NLGN1: variants seen among roughly 807,000 people sequenced by gnomAD.
NLGN1 encodes neuroligin 1.
A neutral mutation model predicts 65.5 loss-of-function variants in NLGN1; 12 were observed. That is an observed-to-expected ratio of 0.18 (90% CI 0.12 to 0.30). NLGN1 has a LOEUF of 0.30. Among genes scored for constraint, NLGN1 ranks in the 10% least tolerant of loss-of-function variants. The pLI is 1.00. For synonymous variants in NLGN1, 350 were observed against 359.5 expected, an observed-to-expected ratio of 0.97 and a Z score of 0.30; for missense variants, 750 against 1,007.1, an observed-to-expected ratio of 0.74 and a Z score of 3.46.
intron 3 of NLGN1, among the ~76,000 whole-genome samples, chr3:173,631,299 C>T (rs1755646377): frequency 6.6e-6 from 1 of 151,500 alleles, no homozygotes; most frequent in African/African-American, 2.4e-5. Context: ...TTTGTCCATC[C>T]TTTCTAAGTG....
chr3:173,425,459 AATAGATTCATAGTT>A (rs1715920819), intron 1 of NLGN1, among the ~76,000 whole-genome samples: 1 of 151,970 alleles, frequency 6.6e-6, no homozygotes, highest in Non-Finnish European at 1.5e-5. Context: ...TGTTTTTTCT[AATAGATTCATAGTT>A]TCAGGTCTTA....
chr3:173,492,450 G>A (rs908454503), intron 2 of NLGN1, among the ~76,000 whole-genome samples: 2 of 151,482 alleles, frequency 1.3e-5, no homozygotes, highest in Admixed American at 1.3e-4. Flanking sequence ...ATTTCTTATG[G>A]GTCAATCAAG....
At chr3:173,589,722 C>T (rs116130180) in intron 2 of NLGN1, among the ~76,000 whole-genome samples, 1,596 of 152,238 alleles carry the variant, frequency 0.01, 39 homozygotes, top group African/African-American at 0.037. Context: ...TGGGAAACAT[C>T]CAATTGATAT....
intron 4 of NLGN1, among the ~76,000 whole-genome samples, chr3:173,952,037 G>GC (rs1389632063): frequency 1.3e-5 from 2 of 152,152 alleles, no homozygotes; most frequent in African/African-American, 4.8e-5. Flanking sequence ...ATTGTAGCCA[G>GC]CATTATTTCC....
intron 4 of NLGN1, among the ~76,000 whole-genome samples, chr3:173,868,313 G>T (rs1429928945): frequency 1.3e-5 from 2 of 152,098 alleles, no homozygotes; most frequent in Non-Finnish European, 2.9e-5. Context: ...TATTTTAATT[G>T]TTTTATCTAT....
At chr3:173,850,235 GTGTA>G (rs1306132164) in intron 4 of NLGN1, among the ~76,000 whole-genome samples, 1 of 152,028 alleles carries the variant, frequency 6.6e-6, no homozygotes, top group South Asian at 2.1e-4. Flanking sequence ...CTATATATGT[GTGTA>G]TGTATGTGTG....
At chr3:174,180,915 A>G (rs1165371295) in intron 4 of NLGN1, 1 of 152,054 alleles carries the variant, frequency 6.6e-6, no homozygotes, top group Non-Finnish European at 1.5e-5. Context: ...TGGGGGAAAA[A>G]AAAGAGGTAT....
At chr3:174,165,186 CT>C (rs1727272156) in intron 4 of NLGN1, among the ~76,000 whole-genome samples, 1 of 151,474 alleles carries the variant, frequency 6.6e-6, no homozygotes, top group South Asian at 2.1e-4. Context: ...TATTTGAATG[CT>C]TTTTCTTTCT....
At chr3:173,601,666 T>C (rs6800283) in intron 2 of NLGN1, among the ~76,000 whole-genome samples, 14,021 of 152,020 alleles carry the variant, frequency 0.092, 663 homozygotes, top group Middle Eastern at 0.21. Context: ...ACATTTAGGT[T>C]GTCATAGTTT....
chr3:173,567,238 A>G (rs1450241694), intron 2 of NLGN1, among the ~76,000 whole-genome samples: 1 of 152,158 alleles, frequency 6.6e-6, no homozygotes, highest in East Asian at 1.9e-4. Flanking sequence ...AAAAAATAAG[A>G]TAAATTAGAG....
chr3:173,749,052 T>C (rs571941420), intron 3 of NLGN1, among the ~76,000 whole-genome samples: 4 of 152,206 alleles, frequency 2.6e-5, no homozygotes, highest in African/African-American at 9.6e-5. Context: ...CATTTGCATT[T>C]TCTGTATGCT....
At chr3:173,752,001 G>A (rs1360497942) in intron 3 of NLGN1, among the ~76,000 whole-genome samples, 1 of 152,044 alleles carries the variant, frequency 6.6e-6, no homozygotes, top group East Asian at 1.9e-4. Flanking sequence ...AACATGAGTG[G>A]TTTAGCACAG....
intron 4 of NLGN1, among the ~76,000 whole-genome samples, chr3:174,115,304 A>C (rs1355759697): frequency 6.6e-6 from 1 of 152,164 alleles, no homozygotes; most frequent in Non-Finnish European, 1.5e-5. Flanking sequence ...TACAGGGCTT[A>C]GTTACGCATA....
chr3:173,440,534 T>A (rs1718977466), intron 2 of NLGN1, among the ~76,000 whole-genome samples: 1 of 152,182 alleles, frequency 6.6e-6, no homozygotes, highest in South Asian at 2.1e-4. Context: ...GGGTACAGAA[T>A]GAATGTTGTG....
rs978117793 is a variant in NLGN1 at position 174,043,884 on chromosome 3, G to T, written c.647-231431G>T. 6.0e-5 allele frequency among the ~76,000 whole-genome samples: 9 copies of T among 150,476 alleles called. No homozygotes were observed. In the East Asian group the frequency reaches 8.4e-4, roughly 14 times the overall value. ...TCCCTTATGCACTGCCCTGGCAGAGGTTCTCCATGAGGTCTCTGCCCCTGC... is the reference window on the plus strand; with the variant it reads ...TCCCTTATGCACTGCCCTGGCAGAGTTTCTCCATGAGGTCTCTGCCCCTGC... On this transcript the variant is annotated intron_variant, in intron 4 of 6. Coordinates refer to ENST00000457714, the Ensembl canonical transcript of NLGN1.
chr3:174,055,473 T>C (rs1735856241), intron 4 of NLGN1, among the ~76,000 whole-genome samples: 2 of 152,044 alleles, frequency 1.3e-5, no homozygotes, highest in Non-Finnish European at 2.9e-5. Context: ...ACTTGTCTTA[T>C]GTGACTAGAA....
At chr3:173,685,795 A>G in intron 3 of NLGN1, 1 of 985,424 alleles carries the variant, frequency 1.0e-6, no homozygotes, top group Non-Finnish European at 1.2e-6. Flanking sequence ...CAAAAAGGTA[A>G]GCACAATGAG....
At chr3:174,133,261 T>G in intron 4 of NLGN1, among the ~76,000 whole-genome samples, 1 of 152,206 alleles carries the variant, frequency 6.6e-6, no homozygotes, top group East Asian at 1.9e-4. Context: ...CACATGCCAT[T>G]CATTCCTTCG....
intron 4 of NLGN1, among the ~76,000 whole-genome samples, chr3:174,098,790 G>A (rs1711696196): frequency 6.6e-6 from 1 of 152,102 alleles, no homozygotes; most frequent in Non-Finnish European, 1.5e-5. Flanking sequence ...TAAACTACTA[G>A]TAGATAAACT....
Sources: gnomAD v4.1 joint callset for allele counts (sites outside exome capture counted in the v4.1 genomes callset) on GRCh38, gnomAD v4.1.1 for gene constraint, MANE v1.5 for transcripts, NCBI Gene and HGNC (gene_info 2026-07-23, HGNC 2026-07-21) for gene names.